The following TMEM117 variants were observed in gnomAD, a reference collection of about 807,000 sequenced individuals.
TMEM117 encodes the protein transmembrane protein 117.
A neutral mutation model predicts 52.4 loss-of-function variants in TMEM117; 27 were observed. That is an observed-to-expected ratio of 0.51 (90% CI 0.38 to 0.71). The LOEUF (loss-of-function observed/expected upper bound fraction) is 0.71, where lower values mean the gene tolerates loss of function less well. Among genes scored for constraint, TMEM117 ranks in the 30% least tolerant of loss-of-function variants. The pLI is 0.00. For missense variants in TMEM117, 556 were observed against 630.5 expected (o/e 0.88, Z 1.26); for synonymous variants, 215 against 206.3 (o/e 1.04, Z -0.36).
intron 7 of TMEM117, among the ~76,000 whole-genome samples, chr12:44,381,247 G>A (rs1952016015): frequency 6.6e-6 from 1 of 152,142 alleles, no homozygotes; most frequent in Non-Finnish European, 1.5e-5. Context: ...TAGTGATTAA[G>A]TCACACTGGT....
At chr12:44,106,930 C>A (rs1342519311) in intron 3 of TMEM117, among the ~76,000 whole-genome samples, 1 of 151,650 alleles carries the variant, frequency 6.6e-6, no homozygotes, top group Non-Finnish European at 1.5e-5. Flanking sequence ...ATTTTTTAAT[C>A]TCTTTTCTGT....
intron 6 of TMEM117, among the ~76,000 whole-genome samples, chr12:44,351,339 T>A (rs1951559335): frequency 6.6e-6 from 1 of 152,014 alleles, no homozygotes; most frequent in Admixed American, 6.6e-5. Context: ...TTCCCTTTGC[T>A]GTGCAGAAGC....
intron 2 of TMEM117, among the ~76,000 whole-genome samples, chr12:43,848,815 T>A (rs1565717616): frequency 6.6e-6 from 1 of 152,200 alleles, no homozygotes; most frequent in Non-Finnish European, 1.5e-5. Context: ...GATGAAATCT[T>A]TACAATTTAT....
intron 3 of TMEM117, among the ~76,000 whole-genome samples, chr12:44,119,112 A>C (rs1304358897): frequency 1.3e-5 from 2 of 152,226 alleles, no homozygotes; most frequent in Non-Finnish European, 2.9e-5. Flanking sequence ...CTTTGAATGC[A>C]ATGTGTGCCA....
intron 3 of TMEM117, among the ~76,000 whole-genome samples, chr12:43,954,979 A>G (rs879571388): frequency 1.3e-5 from 2 of 152,242 alleles, no homozygotes; most frequent in African/African-American, 2.4e-5. Flanking sequence ...GGCTGGTTCA[A>G]CATACGTAAA....
intron 4 of TMEM117, among the ~76,000 whole-genome samples, chr12:44,186,142 A>G (rs929562959): frequency 6.6e-6 from 1 of 152,174 alleles, no homozygotes; most frequent in African/African-American, 2.4e-5. Context: ...CAAAACCTCC[A>G]CTTTTGTGAA....
At chr12:44,348,509 G>A (rs1053954105) in intron 6 of TMEM117, among the ~76,000 whole-genome samples, 10 of 151,874 alleles carry the variant, frequency 6.6e-5, no homozygotes, top group African/African-American at 2.2e-4. Context: ...AACACATTCT[G>A]ATAATACGTT....
intron 2 of TMEM117, among the ~76,000 whole-genome samples, chr12:43,885,702 G>T (rs544198683): frequency 6.6e-6 from 1 of 151,738 alleles, no homozygotes; most frequent in Admixed American, 6.6e-5. Flanking sequence ...TAACCTTAGC[G>T]TGTGAGACAA....
chr12:44,168,118 G>A (rs1948994430), intron 4 of TMEM117, among the ~76,000 whole-genome samples: 2 of 152,062 alleles, frequency 1.3e-5, no homozygotes, highest in Non-Finnish European at 2.9e-5. Context: ...GCTGGGTGTG[G>A]TGGTGCGTGC....
At chr12:43,980,155 C>A (rs1945737502) in intron 3 of TMEM117, among the ~76,000 whole-genome samples, 1 of 152,046 alleles carries the variant, frequency 6.6e-6, no homozygotes, top group Non-Finnish European at 1.5e-5. Context: ...TTAGGCAAAA[C>A]CTGCATTTCC....
intron 1 of TMEM117, among the ~76,000 whole-genome samples, chr12:43,837,553 G>T (rs1403183684): frequency 6.6e-6 from 1 of 152,060 alleles, no homozygotes; most frequent in Non-Finnish European, 1.5e-5. Context: ...CACCATGTTG[G>T]TCAGGCTGGT....
At chr12:44,211,426 C>G (rs763042366) in intron 5 of TMEM117, 39 bp downstream of exon 5, 1 of 1,437,432 alleles carries the variant, frequency 7.0e-7, no homozygotes, top group African/African-American at 1.4e-5. Flanking sequence ...TGCCTTGCCT[C>G]ATTCACTGAA....
intron 3 of TMEM117, among the ~76,000 whole-genome samples, chr12:44,133,375 G>C (rs530487826): frequency 6.6e-6 from 1 of 152,192 alleles, no homozygotes; most frequent in Non-Finnish European, 1.5e-5. Flanking sequence ...ATAGCTAACA[G>C]TACTGGTTCC....
At chr12:44,073,053 G>A (rs976134961) in intron 3 of TMEM117, among the ~76,000 whole-genome samples, 3 of 151,456 alleles carry the variant, frequency 2.0e-5, no homozygotes, top group African/African-American at 7.3e-5. Context: ...TCGTACTACT[G>A]CACTCCAGCC....
At chr12:44,152,505 A>G (rs1349619362) in intron 4 of TMEM117, among the ~76,000 whole-genome samples, 1 of 115,414 alleles carries the variant, frequency 8.7e-6, no homozygotes, top group Non-Finnish European at 1.6e-5. Flanking sequence ...ATATAATTAT[A>G]TCATATATAA....
chr12:43,915,764 AAG>A (rs748512936), intron 2 of TMEM117, among the ~76,000 whole-genome samples: 4 of 151,594 alleles, frequency 2.6e-5, no homozygotes, highest in Non-Finnish European at 4.4e-5. Flanking sequence ...GAAAGAAAGA[AAG>A]AGGAAAAAAA....
At chr12:43,998,743 C>T (rs941509945) in intron 3 of TMEM117, among the ~76,000 whole-genome samples, 1 of 152,174 alleles carries the variant, frequency 6.6e-6, no homozygotes, top group Non-Finnish European at 1.5e-5. Context: ...TGACTTGAAA[C>T]TTCCCTTCAT....
chr12:43,877,263 A>G (rs138371222), intron 2 of TMEM117, among the ~76,000 whole-genome samples: 2 of 152,170 alleles, frequency 1.3e-5, no homozygotes, highest in Admixed American at 6.5e-5. Flanking sequence ...TTGATCTTCA[A>G]TTTGGAGAAA....
chr12:43,911,549 G>C (rs1261712852), intron 2 of TMEM117, among the ~76,000 whole-genome samples: 594 of 133,876 alleles, frequency 4.4e-3, no homozygotes, highest in East Asian at 0.014. Flanking sequence ...TACCATCAGA[G>C]TGAACAGGCA....
Sources: allele counts gnomAD v4.1 joint callset (sites outside exome capture counted in the v4.1 genomes callset), GRCh38; gene constraint gnomAD v4.1.1; transcripts MANE v1.5; gene names NCBI Gene and HGNC (gene_info 2026-07-23, HGNC 2026-07-21).